The following PHF12 variants were observed in gnomAD, a reference collection of about 807,000 sequenced individuals.
PHF12 encodes PHD finger protein 12.
A neutral mutation model predicts 99.8 loss-of-function variants in PHF12; 6 were observed. The ratio of observed to expected loss-of-function variants is 0.06; its 90% confidence interval spans 0.03 to 0.12. The LOEUF is 0.12. PHF12 is among the 10% of genes least tolerant of loss of function. The pLI, the probability that PHF12 is intolerant of heterozygous loss-of-function variation, is 1.00. For synonymous variants in PHF12, 480 were observed against 514.9 expected (o/e 0.93, Z 0.92); for missense variants, 954 against 1,300.1 (o/e 0.73, Z 4.09).
intron 2 of PHF12, among the ~76,000 whole-genome samples, chr17:28,938,474 C>T (rs1240194107): frequency 1.3e-5 from 2 of 152,112 alleles, no homozygotes; most frequent in African/African-American, 4.8e-5. Flanking sequence ...GTGATCCGTC[C>T]ACCTCAGCTT....
chr17:28,949,001 G>C lies in PHF12; in HGVS notation c.248+1064C>G, dbSNP rs2040762555. Among the ~76,000 whole-genome samples, 1 of 152,150 alleles carries C rather than the reference G, an allele frequency of 6.6e-6. No homozygotes were observed. Among genetic ancestry groups the C allele is most frequent in the Non-Finnish European group, 1.5e-5 (1 of 68,000 alleles). On this transcript the variant is annotated intron_variant, in intron 2 of 14. Coordinates refer to ENST00000332830, the MANE Select transcript of PHF12 (RefSeq NM_001033561.2). The surrounding 1 kb of genome is among the most constrained non-coding windows in gnomAD (Gnocchi z 4.6). Reference sequence around the variant, plus strand: ...ATGGAGTTTAAACTCTTCTTTGCCGGATTGTCCTGGGCTGAGCCGCTGAGG... The same window carrying C: ...ATGGAGTTTAAACTCTTCTTTGCCGCATTGTCCTGGGCTGAGCCGCTGAGG...
intron 9 of PHF12, among the ~76,000 whole-genome samples, chr17:28,911,775 G>A (rs539050022): frequency 1.3e-5 from 2 of 152,262 alleles, no homozygotes; most frequent in South Asian, 4.2e-4. Flanking sequence ...GACCACAGAG[G>A]GTTCCGGCAG....
chr17:28,926,467 G>A, intron 3 of PHF12: 1 of 249,630 alleles, frequency 4.0e-6, no homozygotes, highest in Non-Finnish European at 8.1e-6. Context: ...ACCCACAAGA[G>A]TTCTCAAAGT....
chr17:28,947,442 G>A (rs959170740), intron 2 of PHF12, among the ~76,000 whole-genome samples: 4 of 151,998 alleles, frequency 2.6e-5, no homozygotes, highest in Non-Finnish European at 5.9e-5. Flanking sequence ...GCTGGGTGTG[G>A]TGGCGGGCAC....
At chr17:28,925,654 G>A (rs980327722) in intron 3 of PHF12, 1 of 152,198 alleles carries the variant, frequency 6.6e-6, no homozygotes, top group Admixed American at 6.5e-5. Context: ...TTTGGAATGA[G>A]AGAATTTGGT....
Position 28,907,648 on chromosome 17 carries a change from G to A in PHF12, c.2483C>T (p.Thr828Ile), listed in dbSNP as rs2039892911. 5 of 1,613,922 alleles carry A rather than the reference G, an allele frequency of 3.1e-6. No individual in the cohort carries two copies. The highest frequency in any genetic ancestry group is 3.4e-6 in the Non-Finnish European group (4 of 1,179,884). ...CACGTAGTTACAGTGACCATAGTTT[G>A]TAAGGCACACATCCATGTCAGCTCC... ...GTGADMDVCL[T>I]NYGHCNYVSG... is the part of the protein sequence containing the mutation. Residue 828 changes from threonine to isoleucine, a missense_variant, in exon 13 of 15, where the codon ACA becomes ATA. Coordinates refer to ENST00000332830, the MANE Select transcript of PHF12 (RefSeq NM_001033561.2).
intron 7 of PHF12, 46 bp from the exon 8 acceptor site, chr17:28,914,083 A>G: frequency 1.3e-6 from 2 of 1,546,250 alleles, no homozygotes; most frequent in Non-Finnish European, 1.8e-6. Flanking sequence ...GATAGTTCCA[A>G]CATGTCTAGT....
At position 28,912,100 on chromosome 17, in the gene PHF12, ACGC is replaced by A; in HGVS notation, c.2089+379_2089+381del. 1.3e-5 allele frequency: 13 copies of A among 1,037,862 alleles called. No homozygotes were observed. The South Asian group carries it at 1.8e-4, about 14-fold the overall frequency. 64.3% of individuals were successfully genotyped at this position (1,037,862 alleles called of 1,614,324 possible). ...TGGATCTGACAATACTGAGGCCATCACGCAGAACCTCAGGCTGATCATAGTAAT... is the reference window on the plus strand; with the variant it reads ...TGGATCTGACAATACTGAGGCCATCAAGAACCTCAGGCTGATCATAGTAAT... On this transcript the variant is annotated intron_variant, in intron 9 of 14. Transcript: ENST00000332830.
chr17:28,910,853 G>A (rs1457562662), intron 10 of PHF12: 14 of 464,024 alleles, frequency 3.0e-5, no homozygotes, highest in Non-Finnish European at 4.6e-5. Context: ...TTTTGTTCTC[G>A]TCTCACTGGT....
rs1262171922 is a variant in PHF12, at chr17:28,919,081, T to G, written c.969+62A>C. On this transcript the variant is annotated intron_variant, in intron 6 of 14. Transcript: ENST00000332830. Reference sequence around the variant, plus strand: ...ACCAAGCTGACCTTAATATGCTTTCTGCTAATCAGTCCACGCTCCAGCTAT... The same window carrying G: ...ACCAAGCTGACCTTAATATGCTTTCGGCTAATCAGTCCACGCTCCAGCTAT... 5.2e-6 allele frequency: 8 copies of G among 1,537,378 alleles called. No homozygotes were observed. The East Asian group carries it at 1.9e-4, about 36-fold the overall frequency.
rs1008530500 is a variant in PHF12, at chr17:28,949,840, C to A, written c.248+225G>T. On this transcript the variant is annotated intron_variant, in intron 2 of 14. Coordinates refer to ENST00000332830, the MANE Select transcript of PHF12 (RefSeq NM_001033561.2). The surrounding 1 kb of genome is among the most constrained non-coding windows in gnomAD (Gnocchi z 4.6). ...AATCCCATATGGGGTTCTCTTCACT[C>A]GTCCCAACCCCCACCTCGGGGTCCG... is the stretch of plus-strand genomic sequence containing the variant. 46 of 527,286 alleles carry A rather than the reference C, an allele frequency of 8.7e-5. No homozygotes were observed. The Admixed American group carries it at 1.6e-3, about 18-fold the overall frequency. 32.7% of individuals were successfully genotyped at this position (527,286 alleles called of 1,614,324 possible).
At chr17:28,922,241 A>G (rs1303264309) in intron 4 of PHF12, among the ~76,000 whole-genome samples, 1 of 152,212 alleles carries the variant, frequency 6.6e-6, no homozygotes, top group Non-Finnish European at 1.5e-5. Flanking sequence ...GGTGTGGGCC[A>G]TCAAACTCAG....
intron 2 of PHF12, among the ~76,000 whole-genome samples, chr17:28,934,506 G>A (rs1275485068): frequency 2.0e-5 from 3 of 152,084 alleles, no homozygotes; most frequent in Non-Finnish European, 4.4e-5. Flanking sequence ...CCTGATAAAA[G>A]GAAGGTTCTA....
chr17:28,908,724 G>A (rs2039910952), intron 12 of PHF12, 59 bp downstream of exon 12: 3 of 1,537,664 alleles, frequency 2.0e-6, no homozygotes, highest in Non-Finnish European at 1.8e-6. Context: ...GTGGGTAAGG[G>A]TGTCAGTCTT....
intron 5 of PHF12, among the ~76,000 whole-genome samples, chr17:28,920,590 G>A (rs1271528625): frequency 3.3e-5 from 5 of 152,232 alleles, no homozygotes; most frequent in Non-Finnish European, 7.3e-5. Context: ...TTGAGATGGA[G>A]TCTTGGTCTG....
intron 2 of PHF12, among the ~76,000 whole-genome samples, chr17:28,936,237 A>G (rs2040506755): frequency 6.6e-6 from 1 of 152,190 alleles, no homozygotes; most frequent in Non-Finnish European, 1.5e-5. Context: ...AGTCGCTACC[A>G]GTGGGACCTG....
At chr17:28,926,178 C>T (rs1232277556) in intron 3 of PHF12, 1 of 153,066 alleles carries the variant, frequency 6.5e-6, no homozygotes, top group Non-Finnish European at 1.5e-5. Flanking sequence ...GAAACTGTTA[C>T]ACACATAAAC....
chr17:28,912,235 C>G, intron 9 of PHF12: 1 of 1,305,418 alleles, frequency 7.7e-7, no homozygotes, highest in East Asian at 3.1e-5. Flanking sequence ...TGGTTCCAAT[C>G]CTGCCACTGA....
intron 2 of PHF12, among the ~76,000 whole-genome samples, chr17:28,933,448 C>CTTTG: frequency 6.6e-6 from 1 of 152,314 alleles, no homozygotes; most frequent in South Asian, 2.1e-4. Flanking sequence ...AACTGGAACC[C>CTTTG]AAATCAAAGT....
Sources: gnomAD v4.1 joint callset for allele counts (sites outside exome capture counted in the v4.1 genomes callset) on GRCh38, gnomAD v4.1.1 for gene constraint, Gnocchi (gnomAD v3.1) non-coding constraint, MANE v1.5 for transcripts, NCBI Gene and HGNC (gene_info 2026-07-23, HGNC 2026-07-21) for gene names.